Variants in ERBB4 observed in about 807,000 individuals in gnomAD.
ERBB4 encodes receptor tyrosine-protein kinase erbB-4.
ERBB4 carries 42 observed loss-of-function variants against 158.0 expected under a neutral mutation model. The ratio of observed to expected loss-of-function variants is 0.27; its 90% CI spans 0.21 to 0.34. The LOEUF (loss-of-function observed/expected upper bound fraction) is 0.34, where lower values mean the gene tolerates loss of function less well. Ranked by LOEUF, ERBB4 falls within the 10% of genes least tolerant of loss-of-function variation. The pLI is 1.00. For synonymous variants in ERBB4, 583 were observed against 558.7 expected, an observed-to-expected ratio of 1.04 and a Z score of -0.61; for missense variants, 1,333 against 1,624.1, an observed-to-expected ratio of 0.82 and a Z score of 3.08.
At chr2:212,157,721 C>T (rs2081083859) in intron 1 of ERBB4, among the ~76,000 whole-genome samples, 1 of 152,018 alleles carries the variant, frequency 6.6e-6, no homozygotes, top group South Asian at 2.1e-4. Flanking sequence ...TAGAATAAAT[C>T]CACATGTATA....
chr2:212,318,460 T>G (rs1044956474), intron 1 of ERBB4, among the ~76,000 whole-genome samples: 1 of 151,562 alleles, frequency 6.6e-6, no homozygotes. Context: ...TTTCAATTAG[T>G]TATTTCTTTT....
intron 25 of ERBB4, among the ~76,000 whole-genome samples, chr2:211,413,638 A>G (rs1400572931): frequency 6.6e-6 from 1 of 152,002 alleles, no homozygotes; most frequent in Non-Finnish European, 1.5e-5. Context: ...TTTAGCTATG[A>G]GATACTTCCT....
At chr2:211,752,515 AG>A (rs2075163756) in intron 4 of ERBB4, among the ~76,000 whole-genome samples, 1 of 149,612 alleles carries the variant, frequency 6.7e-6, no homozygotes, top group Non-Finnish European at 1.5e-5. Flanking sequence ...AGAAAAGAAA[AG>A]ATAAAAGCAA....
At chr2:211,493,591 C>A (rs1434816970) in intron 20 of ERBB4, among the ~76,000 whole-genome samples, 3 of 151,780 alleles carry the variant, frequency 2.0e-5, no homozygotes, top group Non-Finnish European at 4.4e-5. Flanking sequence ...AAAAAAACAC[C>A]TTTGCATAGC....
intron 25 of ERBB4, among the ~76,000 whole-genome samples, chr2:211,411,822 C>T (rs1217522667): frequency 6.6e-6 from 1 of 152,034 alleles, no homozygotes; most frequent in African/African-American, 2.4e-5. Flanking sequence ...TAATAGAAAG[C>T]TGTACTCTAA....
chr2:211,902,022 A>G lies in ERBB4; in HGVS notation c.421+45408T>C, dbSNP rs2079249543. Among the ~76,000 whole-genome samples, 5 of 152,124 alleles carry G rather than the reference A, an allele frequency of 3.3e-5. No homozygotes were observed. The South Asian group carries it at 1.0e-3, about 32-fold the overall frequency. On this transcript the variant is annotated intron_variant, in intron 3 of 27. Coordinates refer to ENST00000342788, the MANE Select transcript of ERBB4 (RefSeq NM_005235.3). ...TCTTATGTTTTGAGACTCACAAAAT[A>G]GTTTTTTTTTTAGTTAGAAAGCTTT... is the stretch of plus-strand genomic sequence containing the variant.
intron 2 of ERBB4, among the ~76,000 whole-genome samples, chr2:212,117,310 C>T (rs2079599654): frequency 6.6e-6 from 1 of 152,060 alleles, no homozygotes; most frequent in Non-Finnish European, 1.5e-5. Flanking sequence ...AGAAAAAGTT[C>T]CATCACCATC....
At chr2:211,750,560 A>T in intron 5 of ERBB4, 79 bp downstream of exon 5, 1 of 1,233,332 alleles carries the variant, frequency 8.1e-7, no homozygotes, top group Non-Finnish European at 1.2e-6. Flanking sequence ...GTTTTAGATG[A>T]CCAGAGGCAT....
rs997566620 is a variant in ERBB4, at chr2:212,379,570, C to T, written c.82+158879G>A. ...AGCCAGAAAGATCTTTTTAAAAATT[C>T]TTTGTCAATCTATTGCCAAGAAGTC... On this transcript the variant is annotated intron_variant, in intron 1 of 27. Transcript: ENST00000342788. Among the ~76,000 whole-genome samples, 7 of 151,646 alleles carry T rather than the reference C, an allele frequency of 4.6e-5. No homozygotes were observed. The East Asian group carries it at 1.4e-3, about 29-fold the overall frequency.
At chr2:212,070,406 A>G (rs1485248253) in intron 2 of ERBB4, among the ~76,000 whole-genome samples, 1 of 152,116 alleles carries the variant, frequency 6.6e-6, no homozygotes, top group East Asian at 1.9e-4. Flanking sequence ...CAGTCTTTAT[A>G]AAGAACAATT....
intron 2 of ERBB4, among the ~76,000 whole-genome samples, chr2:211,964,737 T>C (rs1449940717): frequency 6.6e-6 from 1 of 152,162 alleles, no homozygotes; most frequent in Admixed American, 6.6e-5. Flanking sequence ...AGTGTTAGTG[T>C]ACAAAAAGAT....
At chr2:212,535,460 A>C (rs549541905) in intron 1 of ERBB4, among the ~76,000 whole-genome samples, 2 of 152,324 alleles carry the variant, frequency 1.3e-5, no homozygotes, top group East Asian at 3.9e-4. Context: ...CGAAAGCTAT[A>C]TGTACTTTTA....
chr2:211,550,169 A>G (rs1045064864), intron 20 of ERBB4, among the ~76,000 whole-genome samples: 1 of 152,114 alleles, frequency 6.6e-6, no homozygotes, highest in Non-Finnish European at 1.5e-5. Context: ...GTGTATGTGT[A>G]TAGTAAGAAC....
intron 5 of ERBB4, among the ~76,000 whole-genome samples, chr2:211,744,136 CATTT>C (rs1318509198): frequency 1.3e-5 from 2 of 151,960 alleles, no homozygotes; most frequent in African/African-American, 2.4e-5. Context: ...GTTAGGAAAA[CATTT>C]AAAAAAAACA....
chr2:211,609,136 C>A (rs949536684), intron 19 of ERBB4, among the ~76,000 whole-genome samples: 2 of 152,088 alleles, frequency 1.3e-5, no homozygotes, highest in Non-Finnish European at 2.9e-5. Context: ...CCATTTTCCA[C>A]CAAGGCAAGC....
At chr2:212,312,117 C>T (rs1197767701) in intron 1 of ERBB4, among the ~76,000 whole-genome samples, 2 of 150,978 alleles carry the variant, frequency 1.3e-5, no homozygotes, top group East Asian at 3.9e-4. Context: ...TGAAGTCTCT[C>T]TCATAATCCT....
At chr2:211,515,912 A>ATATATATATATATATATATATTTT (rs35696520) in intron 20 of ERBB4, among the ~76,000 whole-genome samples, 30 of 78,960 alleles carry the variant, frequency 3.8e-4, no homozygotes, top group Non-Finnish European at 6.2e-4. Context: ...ATATATATAT[A>ATATATATATATATATATATATTTT]TTTTTTTTTT....
intron 1 of ERBB4, among the ~76,000 whole-genome samples, chr2:212,197,286 A>G (rs1441383312): frequency 6.6e-6 from 1 of 152,196 alleles, no homozygotes; most frequent in African/African-American, 2.4e-5. Flanking sequence ...AGTGGGAACA[A>G]TAAAGACACA....
intron 14 of ERBB4, among the ~76,000 whole-genome samples, chr2:211,672,117 G>A (rs556006724): frequency 6.6e-6 from 1 of 152,172 alleles, no homozygotes; most frequent in East Asian, 1.9e-4. Context: ...GCTCACTGGG[G>A]CCTAATGGAA....
Sources: allele counts gnomAD v4.1 joint callset (sites outside exome capture counted in the v4.1 genomes callset), GRCh38; gene constraint gnomAD v4.1.1; transcripts MANE v1.5; gene names NCBI Gene and HGNC (gene_info 2026-07-23, HGNC 2026-07-21).